The following PASK variants were observed in gnomAD, a reference collection of about 807,000 sequenced individuals.
PASK encodes the protein PAS domain-containing serine/threonine-protein kinase.
PASK carries 110 observed loss-of-function variants against 121.0 expected under a neutral mutation model. That is an observed-to-expected ratio of 0.91 (90% confidence interval 0.78 to 1.06). The LOEUF (loss-of-function observed/expected upper bound fraction) is 1.06, where lower values mean the gene tolerates loss of function less well. Among genes scored for constraint, PASK ranks in the 50% least tolerant of loss-of-function variants. The pLI is 0.00. For synonymous variants in PASK, 686 were observed against 717.8 expected, an observed-to-expected ratio of 0.96 and a Z score of 0.71; for missense variants, 1,643 against 1,702.3, an observed-to-expected ratio of 0.97 and a Z score of 0.61.
intron 12 of PASK, among the ~76,000 whole-genome samples, chr2:241,120,504 A>T (rs1294455517): frequency 6.6e-6 from 1 of 152,140 alleles, no homozygotes; most frequent in South Asian, 2.1e-4. Flanking sequence ...AAAGAAAAAA[A>T]AAATGGGCAA....
chr2:241,113,997 T>C, intron 14 of PASK: 3 of 977,728 alleles, frequency 3.1e-6, no homozygotes, highest in Non-Finnish European at 3.6e-6. Context: ...TTGGCAAAAA[T>C]TTTAGAGTAT....
Position 241,139,930 on chromosome 2 carries a change from C to T in PASK, c.555G>A (p.Glu185=). The change falls in exon 4 of 18, where the codon GAG becomes GAA. Residue 185 remains glutamate (E), a synonymous_variant. Coordinates refer to ENST00000234040, the MANE Select transcript of PASK (RefSeq NM_015148.4). ...CAGCGTGGCCGTCGGCCTCCATGTG[C>T]TCCTCGCTGAGGGCCTCCACCACAT... The part of the protein sequence containing the change: ...DSDVVEALSE[E]HMEADGHAAV... 6.2e-7 allele frequency: 1 copy of T among 1,614,210 alleles called. No individual in the cohort carries two copies. Among genetic ancestry groups the T allele is most frequent in the Non-Finnish European group, 8.5e-7 (1 of 1,180,004 alleles).
intron 11 of PASK, 27 bp downstream of exon 11, chr2:241,123,922 G>C: frequency 6.3e-7 from 1 of 1,596,196 alleles, no homozygotes; most frequent in Non-Finnish European, 8.6e-7. Context: ...GGCAAGTCCA[G>C]GGCAGGCATT....
chr2:241,143,863 C>T (rs2066826724), intron 1 of PASK, among the ~76,000 whole-genome samples: 3 of 152,262 alleles, frequency 2.0e-5, no homozygotes, highest in Admixed American at 2.0e-4. Context: ...GCCAAGAGGC[C>T]ATGTCTCCTA....
intron 4 of PASK, 67 bp downstream of exon 4, chr2:241,139,818 T>G: frequency 1.2e-5 from 18 of 1,465,266 alleles, no homozygotes; most frequent in Non-Finnish European, 1.7e-5. Flanking sequence ...TAGGGAACAC[T>G]GAGCTGTTCC....
intron 5 of PASK, 64 bp downstream of exon 5, chr2:241,138,590 G>A: frequency 6.3e-7 from 1 of 1,576,998 alleles, no homozygotes; most frequent in Non-Finnish European, 8.7e-7. Context: ...ACCAGCACTT[G>A]CTGAAGAGGA....
intron 9 of PASK, among the ~76,000 whole-genome samples, chr2:241,132,527 T>TTAAAAAAAAAAAAAAAAA (rs1486560170): frequency 7.6e-5 from 3 of 39,532 alleles, no homozygotes; most frequent in African/African-American, 3.0e-4. Flanking sequence ...AGACTCTGTC[T>TTAAAAAAAAAAAAAAAAA]AAAAAAAAAA....
chr2:241,145,999 G>C, intron 1 of PASK: 1 of 150,958 alleles, frequency 6.6e-6, no homozygotes, highest in East Asian at 1.9e-4. Context: ...TAAAGAAAAC[G>C]AAAGAACAAG....
At chr2:241,107,542 G>A in intron 16 of PASK, 43 bp from the exon 17 acceptor site, 1 of 1,597,222 alleles carries the variant, frequency 6.3e-7, no homozygotes, top group Non-Finnish European at 8.6e-7. Flanking sequence ...AGATTGGGAT[G>A]AAGTGGAGCA....
chr2:241,116,594 A>C (rs2065380591), intron 12 of PASK, among the ~76,000 whole-genome samples: 2 of 152,382 alleles, frequency 1.3e-5, no homozygotes, highest in South Asian at 4.1e-4. Flanking sequence ...TTCAACATTG[A>C]CTCTGAGATT....
At chr2:241,143,459 A>G (rs560118448) in intron 1 of PASK, among the ~76,000 whole-genome samples, 110 of 152,140 alleles carry the variant, frequency 7.2e-4, no homozygotes, top group Middle Eastern at 3.4e-3. Flanking sequence ...GCTGAGGCAG[A>G]AGAATGGTGT....
intron 15 of PASK, among the ~76,000 whole-genome samples, chr2:241,111,335 A>G (rs2310874): frequency 0.23 from 34,206 of 151,902 alleles, 5,847 homozygotes; most frequent in African/African-American, 0.47. Flanking sequence ...ACTGCAGCAG[A>G]GGGCCAGGAG....
At chr2:241,142,629 C>T (rs1019976135) in intron 2 of PASK, among the ~76,000 whole-genome samples, 4 of 152,232 alleles carry the variant, frequency 2.6e-5, no homozygotes, top group Non-Finnish European at 4.4e-5. Flanking sequence ...GAAGCGCCAG[C>T]TGCCTGGGAA....
chr2:241,107,539 G>A, intron 16 of PASK, 40 bp from the exon 17 acceptor site: 1 of 1,602,332 alleles, frequency 6.2e-7, no homozygotes, highest in Non-Finnish European at 8.5e-7. Flanking sequence ...TCCAGATTGG[G>A]ATGAAGTGGA....
chr2:241,123,987 A>T lies in PASK; in HGVS notation c.2866T>A (p.Ser956Thr), dbSNP rs551726343. The T allele has an allele frequency of 1.2e-6, 2 of 1,613,960 alleles. No homozygotes were observed. The highest frequency in any genetic ancestry group is 1.7e-5 in the Admixed American group (1 of 60,028). ...FLASLPGSTH[S>T]TAAELTGPSL... ...GGTCCGGTGAGCTCAGCAGCGGTAG[A>T]GTGGGTGGAGCCGGGCAGGCTGGCA... The change falls in exon 11 of 18, where the codon TCT (serine) becomes ACT (threonine). Residue 956 changes from serine to threonine, a missense_variant. Ser to Thr is a moderately conservative substitution (Grantham distance 58). Transcript: ENST00000234040.
At chr2:241,142,378 G>C (rs2074830) in intron 2 of PASK, among the ~76,000 whole-genome samples, 40,617 of 151,984 alleles carry the variant, frequency 0.27, 6,631 homozygotes, top group Middle Eastern at 0.46. Flanking sequence ...TGGGGTGCCT[G>C]GACAAAGGAG....
intron 9 of PASK, among the ~76,000 whole-genome samples, chr2:241,131,581 C>T (rs547310852): frequency 6.6e-6 from 1 of 152,196 alleles, no homozygotes; most frequent in Non-Finnish European, 1.5e-5. Context: ...AGAAGGCAGA[C>T]AGAAGGAAAT....
At position 241,113,698 on chromosome 2, in the gene PASK, A is replaced by G. The variant is rs953276121; in HGVS notation, c.3334-1259T>C. ...ACTGAGAGATTAACCACAAAGGGCTAAAGAGCGACTTGAAGAAAGCTGCTC... is the reference window on the plus strand; with the variant it reads ...ACTGAGAGATTAACCACAAAGGGCTGAAGAGCGACTTGAAGAAAGCTGCTC... On this transcript the variant is annotated intron_variant, in intron 14 of 17. Coordinates refer to ENST00000234040, the MANE Select transcript of PASK (RefSeq NM_015148.4). The G allele has an allele frequency of 4.1e-6, 4 of 983,934 alleles. No homozygotes were observed. In the Admixed American group the frequency reaches 1.8e-4, roughly 45 times the overall value. The allele number at this position is 983,934 out of a possible 1,614,324, so 61.0% of individuals were successfully genotyped here.
Position 241,119,104 on chromosome 2 carries a change from T to C in PASK, c.3072+3628A>G, listed in dbSNP as rs754523222. The stretch of plus-strand genomic sequence containing the variant: ...GGAAGCCCACAAACCAAAGATACCA[T>C]AGGACTGGTTCTGGCCCATGCAGCA... On this transcript the variant is annotated intron_variant, in intron 12 of 17. Coordinates refer to ENST00000234040, the MANE Select transcript of PASK (RefSeq NM_015148.4). 4.3e-4 allele frequency among the ~76,000 whole-genome samples: 66 copies of C among 152,346 alleles called. 1 individual carries two copies. Among genetic ancestry groups the C allele is most frequent in the Middle Eastern group, 3.4e-3 (1 of 294 alleles).
Sources: gnomAD v4.1 joint callset for allele counts (sites outside exome capture counted in the v4.1 genomes callset) on GRCh38, gnomAD v4.1.1 for gene constraint, MANE v1.5 for transcripts, NCBI Gene and HGNC (gene_info 2026-07-23, HGNC 2026-07-21) for gene names.